KCNK12: variants seen among roughly 807,000 people sequenced by gnomAD.
The protein encoded by KCNK12 is potassium channel subfamily K member 12.
In KCNK12, 6 loss-of-function variants were observed where a neutral mutation model predicts 25.3. The observed-to-expected ratio is 0.24, with a 90% CI of 0.13 to 0.47. The LOEUF (loss-of-function observed/expected upper bound fraction) is 0.47. KCNK12 is among the 20% of genes least tolerant of loss of function. The pLI is 0.99. For missense variants in KCNK12, 444 were observed against 661.7 expected (o/e 0.67, Z 3.61); for synonymous variants, 331 against 311.1 (o/e 1.06, Z -0.67).
chr2:47,512,338 C>T lies in KCNK12; in HGVS notation c.*8569G>A, dbSNP rs901708619. ...TGACAGAGCCAAAAGACCAGTGCCT[C>T]ATTTTGCTGACATGGAAAAGGAAAC... On this transcript the variant is annotated 3_prime_UTR_variant, in exon 2 of 2. Coordinates refer to ENST00000327876, the MANE Select transcript of KCNK12 (RefSeq NM_022055.2). The T allele has an allele frequency of 3.7e-6, 6 of 1,612,484 alleles. No homozygotes were observed. The highest frequency in any genetic ancestry group is 3.3e-5 in the Admixed American group (2 of 59,958).
rs1668535100 is a variant in KCNK12 at position 47,516,821 on chromosome 2, T to A, written c.*4086A>T. 1 of 152,168 alleles carries A rather than the reference T, an allele frequency of 6.6e-6. No individual in the cohort carries two copies. Among genetic ancestry groups the A allele is most frequent in the Non-Finnish European group, 1.5e-5 (1 of 68,054 alleles). 9.4% of individuals were successfully genotyped at this position (152,168 alleles called of 1,614,324 possible). ...CAGGTCCGAGTGCAGAAATCCTCAA[T>A]GCATGAGACTAGCGTGGAAGGTGTA... On this transcript the variant is annotated 3_prime_UTR_variant, in exon 2 of 2. Coordinates refer to ENST00000327876, the MANE Select transcript of KCNK12 (RefSeq NM_022055.2).
Position 47,513,848 on chromosome 2 carries a change from G to A in KCNK12, c.*7059C>T, listed in dbSNP as rs762076130. 1.3e-5 allele frequency among the ~76,000 whole-genome samples: 2 copies of A among 151,820 alleles called. No homozygotes were observed. Among genetic ancestry groups the A allele is most frequent in the Non-Finnish European group, 2.9e-5 (2 of 68,006 alleles). On this transcript the variant is annotated 3_prime_UTR_variant, in exon 2 of 2. Coordinates refer to ENST00000327876, the MANE Select transcript of KCNK12 (RefSeq NM_022055.2). The stretch of plus-strand genomic sequence containing the variant: ...ATTGATTCTGTGGACCTACTCTTTC[G>A]GGTGTCCCTCAAATCTCTCCACGTC...
At chr2:47,537,010 T>C (rs1467694979) in intron 1 of KCNK12, among the ~76,000 whole-genome samples, 2 of 152,220 alleles carry the variant, frequency 1.3e-5, no homozygotes, top group African/African-American at 2.4e-5. Context: ...CTTGTTTTTC[T>C]CTCACTCCAT....
intron 1 of KCNK12, among the ~76,000 whole-genome samples, chr2:47,545,928 T>C (rs1434296598): frequency 3.9e-4 from 59 of 152,046 alleles, no homozygotes; most frequent in South Asian, 2.1e-4. Context: ...TTTTTTTTTT[T>C]CTCAAATAAT....
intron 1 of KCNK12, among the ~76,000 whole-genome samples, chr2:47,542,693 T>C (rs1357578830): frequency 1.3e-5 from 2 of 152,086 alleles, no homozygotes; most frequent in Admixed American, 1.3e-4. Context: ...ACCCTTAAGG[T>C]CCTCAGCAGG....
chr2:47,549,893 C>G (rs1669389950), intron 1 of KCNK12, among the ~76,000 whole-genome samples: 3 of 151,192 alleles, frequency 2.0e-5, no homozygotes, highest in Admixed American at 6.6e-5. Flanking sequence ...GAGATCGCAC[C>G]ACTGCACTCC....
At position 47,521,600 on chromosome 2, in the gene KCNK12, G is replaced by A; in HGVS notation, c.600C>T (p.Leu200=). The A allele has an allele frequency of 1.9e-6, 3 of 1,564,266 alleles. No homozygotes were observed. The highest frequency in any genetic ancestry group is 2.6e-6 in the Non-Finnish European group (3 of 1,154,552). ...AGCCCGCCAGGCTGTCGGCCTCCGA[G>A]AGCGCGGAGCCGCGGCGGAAGGTGG... ...LPATFRRGSA[L]SEADSLAGWK... Residue 200 remains leucine (L), a synonymous_variant, in exon 2 of 2, where the codon CTC becomes CTT. Transcript: ENST00000327876.
chr2:47,519,294 CGCATGCGT>C lies in KCNK12; in HGVS notation c.*1605_*1612del, dbSNP rs1282415062. 21 of 152,160 alleles carry C rather than the reference CGCATGCGT, an allele frequency of 1.4e-4. No homozygotes were observed. The highest frequency in any genetic ancestry group is 4.6e-4 in the African/African-American group (19 of 41,428). 9.4% of individuals were successfully genotyped at this position (152,160 alleles called of 1,614,324 possible). On this transcript the variant is annotated 3_prime_UTR_variant, in exon 2 of 2. Transcript: ENST00000327876. ...TTGACTCTAATGCTGGGTGCGTGAGCGCATGCGTGCATGTTTGTGTGTGTGTGTGTTCC... is the reference window on the plus strand; with the variant it reads ...TTGACTCTAATGCTGGGTGCGTGAGCGCATGTTTGTGTGTGTGTGTGTTCC...
intron 1 of KCNK12, among the ~76,000 whole-genome samples, chr2:47,522,018 G>C (rs1372531611): frequency 6.6e-6 from 1 of 152,236 alleles, no homozygotes; most frequent in Non-Finnish European, 1.5e-5. Context: ...CCCCTAAACT[G>C]ATGGAGGAGA....
At chr2:47,523,368 G>A (rs1668702552) in intron 1 of KCNK12, among the ~76,000 whole-genome samples, 4 of 152,240 alleles carry the variant, frequency 2.6e-5, no homozygotes. Flanking sequence ...ATCACCATCA[G>A]TCATCCTTGC....
chr2:47,570,025 C>T lies in KCNK12; in HGVS notation c.307G>A (p.Ala103Thr), dbSNP rs1452526666. The change falls in exon 1 of 2, where the codon GCC (alanine) becomes ACC (threonine). Residue 103 changes from alanine to threonine, a missense_variant. Ala to Thr is a moderately conservative substitution (Grantham distance 58). Transcript: ENST00000327876. ...FLRHYEAALA[A>T]GVRADALRPR... ...CGCAGCGCGTCGGCGCGGACGCCGG[C>T]GGCCAGCGCGGCCTCGTAGTGCCGG... 17 of 1,421,338 alleles carry T rather than the reference C, an allele frequency of 1.2e-5. No homozygotes were observed. Among genetic ancestry groups the T allele is most frequent in the Admixed American group, 3.2e-5 (1 of 31,600 alleles). The allele number at this position is 1,421,338 out of a possible 1,614,324, so 88.0% of individuals were successfully genotyped here.
chr2:47,537,581 G>T (rs540556335), intron 1 of KCNK12, among the ~76,000 whole-genome samples: 2 of 152,080 alleles, frequency 1.3e-5, no homozygotes, highest in South Asian at 4.2e-4. Context: ...CGCCCGCCTC[G>T]GTCTCCCAAA....
chr2:47,528,713 G>C lies in KCNK12; in HGVS notation c.392-6905C>G, dbSNP rs1668849085. Among the ~76,000 whole-genome samples the C allele has an allele frequency of 6.6e-6, 1 of 152,366 alleles. No individual in the cohort carries two copies. The highest frequency in any genetic ancestry group is 1.5e-5 in the Non-Finnish European group (1 of 68,034). On this transcript the variant is annotated intron_variant, in intron 1 of 1. Coordinates refer to ENST00000327876, the MANE Select transcript of KCNK12 (RefSeq NM_022055.2). This position sits in a 1 kb window ranked among gnomAD's most constrained non-coding sequence, Gnocchi z 4.5. ...GTTTGCAAAGAGCAGACACTTGGGG[G>C]CTTTATTATGCCACTTTGACAAAAG... is the stretch of plus-strand genomic sequence containing the variant.
rs72888288 is a variant in KCNK12, at chr2:47,524,302, A to G, written c.392-2494T>C. Among the ~76,000 whole-genome samples the G allele has an allele frequency of 2.8e-3, 431 of 152,368 alleles. 3 individuals are homozygous for G. Among genetic ancestry groups the G allele is most frequent in the African/African-American group, 9.9e-3 (410 of 41,582 alleles). On this transcript the variant is annotated intron_variant, in intron 1 of 1. Coordinates refer to ENST00000327876, the MANE Select transcript of KCNK12 (RefSeq NM_022055.2). Reference sequence around the variant, plus strand: ...TGTGTATATTTATAAAACGTTTTAGACCAGTAACCTAAATGTCTAACAACA... The same window carrying G: ...TGTGTATATTTATAAAACGTTTTAGGCCAGTAACCTAAATGTCTAACAACA...
chr2:47,511,030 G>T lies in KCNK12; in HGVS notation c.*9877C>A, dbSNP rs1430727459. ...CTAGACCATAGAGGGCCAGATTCAT[G>T]TCTCATTGACTGTGTAATCTCTGTG... is the stretch of plus-strand genomic sequence containing the variant. On this transcript the variant is annotated 3_prime_UTR_variant, in exon 2 of 2. Transcript: ENST00000327876. This position sits in a 1 kb window ranked among gnomAD's most constrained non-coding sequence, Gnocchi z 4.3. 6.6e-6 allele frequency: 1 copy of T among 152,226 alleles called. No individual in the cohort carries two copies. Among genetic ancestry groups the T allele is most frequent in the African/African-American group, 2.4e-5 (1 of 41,452 alleles). 9.4% of individuals were successfully genotyped at this position (152,226 alleles called of 1,614,324 possible).
Position 47,511,229 on chromosome 2 carries a change from C to T in KCNK12, c.*9678G>A, listed in dbSNP as rs902462306. Among the ~76,000 whole-genome samples the T allele has an allele frequency of 6.6e-6, 1 of 152,140 alleles. No homozygotes were observed. Among genetic ancestry groups the T allele is most frequent in the African/African-American group, 2.4e-5 (1 of 41,414 alleles). ...TGGCCTCCTTACTGAGCCTCATTTC[C>T]CTCTGTCTGCAGAGTCAAGCAAATC... On this transcript the variant is annotated 3_prime_UTR_variant, in exon 2 of 2. Transcript: ENST00000327876. The surrounding 1 kb of genome is among the most constrained non-coding windows in gnomAD (Gnocchi z 4.3).
At position 47,512,194 on chromosome 2, in the gene KCNK12, A is replaced by G. The variant is rs1222480973; in HGVS notation, c.*8713T>C. On this transcript the variant is annotated 3_prime_UTR_variant, in exon 2 of 2. Transcript: ENST00000327876. The stretch of plus-strand genomic sequence containing the variant: ...GTCCATGGAGAAAAAAGAATTGAAC[A>G]AACTGTCTAAGCTGGGTCAGGTACT... 7.5e-6 allele frequency: 10 copies of G among 1,330,398 alleles called. No individual in the cohort carries two copies. Among genetic ancestry groups the G allele is most frequent in the Non-Finnish European group, 1.0e-6 (1 of 982,514 alleles). 82.4% of individuals were successfully genotyped at this position (1,330,398 alleles called of 1,614,324 possible). A position where few individuals can be genotyped will look rare whatever the true frequency, so the allele number is the denominator to read the frequency against.
Position 47,570,546 on chromosome 2 carries a change from T to G in KCNK12, c.-215A>C. The G allele has an allele frequency of 2.7e-6, 1 of 368,552 alleles. No individual in the cohort carries two copies. The allele number at this position is 368,552 out of a possible 1,614,324, so 22.8% of individuals were successfully genotyped here. Reference sequence around the variant, plus strand: ...GCGCTCAGGCCACACGCGAGTCCCGTGGCCCAGCGGGTGCCCGGGCAGGGG... The same window carrying G: ...GCGCTCAGGCCACACGCGAGTCCCGGGGCCCAGCGGGTGCCCGGGCAGGGG... On this transcript the variant is annotated 5_prime_UTR_variant, in exon 1 of 2. Transcript: ENST00000327876.
Position 47,533,701 on chromosome 2 carries a change from G to A in KCNK12, c.392-11893C>T, listed in dbSNP as rs973235896. Reference sequence around the variant, plus strand: ...CCATCTTTTCCAGTCCCCAAAGTGAGAGTGTGTGTGTGTGGGAGAGATATT... The same window carrying A: ...CCATCTTTTCCAGTCCCCAAAGTGAAAGTGTGTGTGTGTGGGAGAGATATT... On this transcript the variant is annotated intron_variant, in intron 1 of 1. Transcript: ENST00000327876. This position sits in a 1 kb window ranked among gnomAD's most constrained non-coding sequence, Gnocchi z 4.7. Among the ~76,000 whole-genome samples the A allele has an allele frequency of 2.0e-5, 3 of 152,224 alleles. No homozygotes were observed. Among genetic ancestry groups the A allele is most frequent in the Non-Finnish European group, 4.4e-5 (3 of 68,038 alleles).
Sources: gnomAD v4.1 joint callset for allele counts (sites outside exome capture counted in the v4.1 genomes callset) on GRCh38, gnomAD v4.1.1 for gene constraint, Gnocchi (gnomAD v3.1) non-coding constraint, MANE v1.5 for transcripts, NCBI Gene and HGNC (gene_info 2026-07-23, HGNC 2026-07-21) for gene names.